Variants in INTS1 observed in about 807,000 individuals in gnomAD.
INTS1 encodes integrator complex subunit 1.
INTS1 carries 137 observed loss-of-function variants against 241.6 expected under a neutral mutation model. The ratio of observed to expected loss-of-function variants is 0.57; its 90% CI spans 0.49 to 0.65. The LOEUF (loss-of-function observed/expected upper bound fraction) is 0.65. Among genes scored for constraint, INTS1 ranks in the 30% least tolerant of loss-of-function variants. The pLI is 0.00. For synonymous variants in INTS1, 1,692 were observed against 1,337.8 expected (o/e 1.26, Z -5.78); for missense variants, 3,073 against 3,032.2 (o/e 1.01, Z -0.32).
rs558814282 is a variant in INTS1 at position 1,478,802 on chromosome 7, G to A, written c.4413C>T (p.Gly1471=). ...GTGCCCGCAGGGGCCCGCCCTCCAC[G>A]CCAGGGCTGTCCAGCCACTGCAGCA... ...LQMLQWLDSP[G]VEGGPLRAQL... is the part of the protein sequence containing the mutation. Residue 1471 remains glycine, a synonymous_variant, in exon 32 of 48, where the codon GGC becomes GGT. Transcript: ENST00000404767. 3.2e-5 allele frequency: 52 copies of A among 1,606,460 alleles called. No individual in the cohort carries two copies. The South Asian group carries it at 4.2e-4, about 13-fold the overall frequency.
At chr7:1,471,834 T>C (rs1368149275) in intron 44 of INTS1, 193 bp from the exon 45 acceptor site, 1 of 607,834 alleles carries the variant, frequency 1.6e-6, no homozygotes, top group Non-Finnish European at 2.9e-6. Context: ...CCCCTACTAG[T>C]GGCCTCCAAG....
chr7:1,495,639 G>C, intron 12 of INTS1, 86 bp from the exon 13 acceptor site: 1 of 1,505,416 alleles, frequency 6.6e-7, no homozygotes, highest in Non-Finnish European at 8.9e-7. Context: ...CTCAATGCTG[G>C]CACTTGGGAG....
chr7:1,481,614 C>G lies in INTS1; in HGVS notation c.3704-126G>C. The G allele has an allele frequency of 1.2e-6, 1 of 825,664 alleles. No homozygotes were observed. Among genetic ancestry groups the G allele is most frequent in the Non-Finnish European group, 1.7e-6 (1 of 598,766 alleles). The allele number at this position is 825,664 out of a possible 1,614,324, so 51.1% of individuals were successfully genotyped here. A position where few individuals can be genotyped will look rare whatever the true frequency, so the allele number is the denominator to read the frequency against. On this transcript the variant is annotated intron_variant, in intron 27 of 47. Transcript: ENST00000404767. The surrounding 1 kb of genome is among the most constrained non-coding windows in gnomAD (Gnocchi z 6.8). ...CACCTGAGACCCTGGGCCACGTGGG[C>G]TCGGTGACCCCACCCAAGACCTGGG...
At chr7:1,502,115 G>C (rs1783211467) in intron 3 of INTS1, among the ~76,000 whole-genome samples, 2 of 152,262 alleles carry the variant, frequency 1.3e-5, no homozygotes, top group African/African-American at 4.8e-5. Flanking sequence ...ACAAAACTCA[G>C]TAACCAGAGG....
At chr7:1,471,300 G>A (rs1251935604) in intron 45 of INTS1, 76 bp from the exon 46 acceptor site, 43 of 1,440,292 alleles carry the variant, frequency 3.0e-5, no homozygotes, top group Non-Finnish European at 3.8e-5. Context: ...TCTTGGTCTC[G>A]TGATGGTTGG....
chr7:1,472,073 C>T lies in INTS1; in HGVS notation c.6184+200G>A, dbSNP rs759878471. ...GCTGTGCCTGAAGCAGAGCAGCCACCTCCAGCTCCCCTGGGCCCCTGAGTT... is the reference window on the plus strand; with the variant it reads ...GCTGTGCCTGAAGCAGAGCAGCCACTTCCAGCTCCCCTGGGCCCCTGAGTT... On this transcript the variant is annotated intron_variant, in intron 44 of 47. Transcript: ENST00000404767. 6.0e-4 allele frequency among the ~76,000 whole-genome samples: 92 copies of T among 152,226 alleles called. 1 individual carries two copies. Among genetic ancestry groups the T allele is most frequent in the Non-Finnish European group, 1.1e-3 (78 of 68,030 alleles).
Position 1,487,662 on chromosome 7 carries a change from G to A in INTS1, c.2516+98C>T, listed in dbSNP as rs544173566. On this transcript the variant is annotated intron_variant, in intron 19 of 47. Coordinates refer to ENST00000404767, the MANE Select transcript of INTS1 (RefSeq NM_001080453.3). Reference sequence around the variant, plus strand: ...GGCCTTTCAGGTTCTGCCGCAGTGCGGTCGGCTCCGCCTGCTCCTTCAGCC... The same window carrying A: ...GGCCTTTCAGGTTCTGCCGCAGTGCAGTCGGCTCCGCCTGCTCCTTCAGCC... 46 of 1,459,692 alleles carry A rather than the reference G, an allele frequency of 3.2e-5. No individual in the cohort carries two copies. The Admixed American group carries it at 6.0e-4, about 19-fold the overall frequency. 90.4% of individuals were successfully genotyped at this position (1,459,692 alleles called of 1,614,324 possible).
At chr7:1,485,235 G>A (rs1423477090) in intron 23 of INTS1, 33 bp from the exon 24 acceptor site, 1 of 1,597,798 alleles carries the variant, frequency 6.3e-7, no homozygotes, top group Non-Finnish European at 8.5e-7. Context: ...CGGCAACAGG[G>A]CAGGGCTGCG....
intron 41 of INTS1, 45 bp from the exon 42 acceptor site, chr7:1,473,738 G>T: frequency 6.2e-7 from 1 of 1,609,192 alleles, no homozygotes. Flanking sequence ...GCCCCGCAGG[G>T]CCAAAACAGA....
rs760798387 is a variant in INTS1 at position 1,480,886 on chromosome 7, C to T, written c.3898G>A (p.Gly1300Arg). The change falls in exon 29 of 48, where the codon GGA becomes AGA. Residue 1300 changes from glycine (G) to arginine (R), a missense_variant. Transcript: ENST00000404767. ...VEVQHERGASGGQTFHSLLTA... is the reference protein window; with the variant it reads ...VEVQHERGASRGQTFHSLLTA... ...AGCAAGGAGTGGAAAGTCTGGCCTC[C>T]GGAGGCGCCGCGCTCATGCTGGACC... 5.1e-6 allele frequency: 8 copies of T among 1,558,724 alleles called. No homozygotes were observed. Among genetic ancestry groups the T allele is most frequent in the East Asian group, 2.4e-5 (1 of 41,720 alleles).
At chr7:1,484,324 C>T (rs866034927) in intron 24 of INTS1, among the ~76,000 whole-genome samples, 154 bp from the exon 25 acceptor site, 23 of 152,136 alleles carry the variant, frequency 1.5e-4, no homozygotes, top group African/African-American at 4.6e-4. Flanking sequence ...CCAGGGAAGA[C>T]GACCAGAGCT....
intron 14 of INTS1, chr7:1,494,569 G>A (rs946967104): frequency 5.2e-6 from 3 of 575,428 alleles, no homozygotes; most frequent in South Asian, 2.0e-5. Context: ...GGGTCCGGGG[G>A]AGGCTGCGGC....
rs1460668489 is a variant in INTS1, at chr7:1,504,370, C to T, written c.-89G>A. The T allele has an allele frequency of 2.0e-6, 1 of 489,226 alleles. No individual in the cohort carries two copies. The allele number at this position is 489,226 out of a possible 1,614,324, so 30.3% of individuals were successfully genotyped here. On this transcript the variant is annotated 5_prime_UTR_variant, in exon 1 of 48. Transcript: ENST00000404767. ...CGCCGCCGCCGCCACCCGGCCACCCCGGAATCGGAAACCGATCTCACCGCC... is the reference window on the plus strand; with the variant it reads ...CGCCGCCGCCGCCACCCGGCCACCCTGGAATCGGAAACCGATCTCACCGCC...
chr7:1,483,679 T>G, intron 26 of INTS1, 63 bp downstream of exon 26: 1 of 1,275,878 alleles, frequency 7.8e-7, no homozygotes, highest in Non-Finnish European at 1.1e-6. Flanking sequence ...AGCCGCTGGG[T>G]GTGGTCAGGG....
Position 1,482,555 on chromosome 7 carries a change from C to A in INTS1, c.3694G>T (p.Val1232Leu), listed in dbSNP as rs1361999322. ...CCAGCCTGGACCGTACCGGCGTCCA[C>A]CAGGCGGAGCACCTCAGAACGGATC... ...RMIRSEVLRLVDAALQDLEPQ... is the reference protein window; with the variant it reads ...RMIRSEVLRLLDAALQDLEPQ... The change falls in exon 27 of 48, where the codon GTG (valine) becomes TTG (leucine). Residue 1232 changes from valine (V) to leucine (L), a missense_variant. By Grantham distance (32) the Val-to-Leu change is conservative. Transcript: ENST00000404767. The A allele has an allele frequency of 6.2e-7, 1 of 1,608,778 alleles. No individual in the cohort carries two copies. The highest frequency in any genetic ancestry group is 2.2e-5 in the East Asian group (1 of 44,726).
chr7:1,476,154 C>G (rs1270928734), intron 38 of INTS1, 75 bp downstream of exon 38: 2 of 1,524,894 alleles, frequency 1.3e-6, no homozygotes, highest in Admixed American at 4.0e-5. Context: ...GTGATGGGAA[C>G]CCACCCAGGG....
chr7:1,499,805 C>G (rs1583163817), intron 5 of INTS1, 79 bp downstream of exon 5: 1 of 1,521,376 alleles, frequency 6.6e-7, no homozygotes, highest in Non-Finnish European at 8.9e-7. Context: ...CTGGAGAGAA[C>G]ACACTTCTGC....
chr7:1,485,380 C>T lies in INTS1; in HGVS notation c.3066G>A (p.Val1022=). The T allele has an allele frequency of 6.2e-7, 1 of 1,612,768 alleles. No homozygotes were observed. Among genetic ancestry groups the T allele is most frequent in the East Asian group, 2.2e-5 (1 of 44,890 alleles). ...PMEEDVGDTD[V]LQGYQWLLRD... is the part of the protein sequence containing the mutation. ...GCAGCAGCCACTGATAGCCCTGCAGCACATCTGTGTCCCCCACATCCTCCT... is the reference window on the plus strand; with the variant it reads ...GCAGCAGCCACTGATAGCCCTGCAGTACATCTGTGTCCCCCACATCCTCCT... The change falls in exon 23 of 48, where the codon GTG becomes GTA. Residue 1022 remains valine (V), a synonymous_variant. Transcript: ENST00000404767.
chr7:1,480,703 G>A, intron 29 of INTS1, 132 bp downstream of exon 29: 1 of 782,206 alleles, frequency 1.3e-6, no homozygotes, highest in Non-Finnish European at 2.0e-6. Context: ...GCCCCTCTCA[G>A]GTGGCATCAG....
Sources: allele counts gnomAD v4.1 joint callset (sites outside exome capture counted in the v4.1 genomes callset), GRCh38; gene constraint gnomAD v4.1.1; non-coding constraint Gnocchi (gnomAD v3.1); transcripts MANE v1.5; gene names NCBI Gene and HGNC (gene_info 2026-07-23, HGNC 2026-07-21).